The following GPR158 variants were observed in gnomAD, a reference collection of about 807,000 sequenced individuals.
GPR158 encodes G protein-coupled receptor 158, also known as metabotropic glycine receptor.
A neutral mutation model predicts 78.2 loss-of-function variants in GPR158; 30 were observed. The ratio of observed to expected loss-of-function variants is 0.38; its 90% CI spans 0.29 to 0.52. GPR158 has a LOEUF of 0.52. Ranked by LOEUF, GPR158 falls within the 20% of genes least tolerant of loss-of-function variation. The pLI is 0.83. For synonymous variants in GPR158, 581 were observed against 591.1 expected (o/e 0.98, Z 0.25); for missense variants, 1,463 against 1,523.5 (o/e 0.96, Z 0.66).
chr10:25,457,008 T>C (rs899678512), intron 4 of GPR158, among the ~76,000 whole-genome samples: 1 of 152,082 alleles, frequency 6.6e-6, no homozygotes, highest in African/African-American at 2.4e-5. Flanking sequence ...AGTCTCGCCC[T>C]GTCACCTAGG....
At chr10:25,443,154 A>G (rs10828808) in intron 4 of GPR158, among the ~76,000 whole-genome samples, 29,493 of 151,890 alleles carry the variant, frequency 0.19, 3,626 homozygotes, top group African/African-American at 0.36. Context: ...ATGTGATCAT[A>G]GTTCACTGCA....
At chr10:25,252,957 A>G (rs1279869770) in intron 2 of GPR158, among the ~76,000 whole-genome samples, 386 of 152,304 alleles carry the variant, frequency 2.5e-3, no homozygotes, top group Non-Finnish European at 4.5e-3. Flanking sequence ...TGTGCTAGCA[A>G]TCAGCGAGAT....
chr10:25,279,978 AAAG>A (rs1220827863), intron 2 of GPR158, among the ~76,000 whole-genome samples: 52 of 152,214 alleles, frequency 3.4e-4, no homozygotes, highest in African/African-American at 9.9e-4. Flanking sequence ...AAAAAAAAAA[AAAG>A]AAAATATTAT....
Position 25,428,716 on chromosome 10 carries a change from G to A in GPR158, c.1335+16243G>A, listed in dbSNP as rs533385157. Among the ~76,000 whole-genome samples, 13 of 152,050 alleles carry A rather than the reference G, an allele frequency of 8.5e-5. No homozygotes were observed. The East Asian group carries it at 1.7e-3, about 20-fold the overall frequency. ...AGAATGTATCACTGCTTTCAGTTCC[G>A]TACCTTTGTCCTTATGGGGGTAAGA... On this transcript the variant is annotated intron_variant, in intron 4 of 10. Coordinates refer to ENST00000376351, the MANE Select transcript of GPR158 (RefSeq NM_020752.3).
chr10:25,217,843 A>G (rs935849489), intron 1 of GPR158, among the ~76,000 whole-genome samples: 1 of 151,678 alleles, frequency 6.6e-6, no homozygotes, highest in Non-Finnish European at 1.5e-5. Context: ...AGGGGATCCG[A>G]TTTGCTATAT....
At chr10:25,548,247 G>A (rs1836688595) in intron 5 of GPR158, among the ~76,000 whole-genome samples, 1 of 151,986 alleles carries the variant, frequency 6.6e-6, no homozygotes, top group Non-Finnish European at 1.5e-5. Context: ...AATTTAGAGA[G>A]GCAACCATAC....
chr10:25,532,607 C>G (rs1476684836), intron 5 of GPR158, among the ~76,000 whole-genome samples: 1 of 152,078 alleles, frequency 6.6e-6, no homozygotes, highest in East Asian at 1.9e-4. Context: ...CTCCACTTTG[C>G]TCTCTGATCC....
At chr10:25,183,189 A>G (rs1485783715) in intron 1 of GPR158, among the ~76,000 whole-genome samples, 11 of 152,170 alleles carry the variant, frequency 7.2e-5, no homozygotes, top group Non-Finnish European at 8.8e-5. Flanking sequence ...AGGAAGAAAA[A>G]CTTGACCTAT....
chr10:25,586,208 C>T (rs535654902), intron 7 of GPR158, among the ~76,000 whole-genome samples: 9 of 151,920 alleles, frequency 5.9e-5, no homozygotes, highest in African/African-American at 1.7e-4. Context: ...AAGGCTGACC[C>T]GAAGGCCAGA....
intron 2 of GPR158, among the ~76,000 whole-genome samples, chr10:25,316,933 G>A (rs58329491): frequency 0.15 from 21,992 of 148,828 alleles, 2,096 homozygotes; most frequent in African/African-American, 0.28. Flanking sequence ...GTATGTGTGT[G>A]TATATATATA....
At chr10:25,576,963 G>A (rs1356960699) in intron 7 of GPR158, among the ~76,000 whole-genome samples, 1 of 103,554 alleles carries the variant, frequency 9.7e-6, no homozygotes, top group Non-Finnish European at 1.8e-5. Flanking sequence ...CATAGTGACA[G>A]TGTTCTCAAA....
intron 2 of GPR158, among the ~76,000 whole-genome samples, chr10:25,230,650 G>T (rs904695116): frequency 6.6e-6 from 1 of 152,124 alleles, no homozygotes; most frequent in Admixed American, 6.6e-5. Flanking sequence ...TTTTCTCAAG[G>T]AATACAGGGG....
At chr10:25,474,268 G>T (rs1835550213) in intron 5 of GPR158, among the ~76,000 whole-genome samples, 1 of 152,008 alleles carries the variant, frequency 6.6e-6, no homozygotes, top group African/African-American at 2.4e-5. Flanking sequence ...AGGATCTCCG[G>T]AACTGTAAAA....
chr10:25,477,984 A>G (rs1835612099), intron 5 of GPR158, among the ~76,000 whole-genome samples: 1 of 152,132 alleles, frequency 6.6e-6, no homozygotes, highest in Non-Finnish European at 1.5e-5. Flanking sequence ...GTGTAGTTCC[A>G]TTTATCCACT....
intron 2 of GPR158, among the ~76,000 whole-genome samples, chr10:25,275,010 T>G (rs925067297): frequency 6.6e-6 from 1 of 152,128 alleles, no homozygotes; most frequent in African/African-American, 2.4e-5. Flanking sequence ...GGCCATTTAT[T>G]TAGGAGAAAT....
intron 2 of GPR158, among the ~76,000 whole-genome samples, chr10:25,282,904 T>C (rs532127574): frequency 2.0e-5 from 3 of 152,116 alleles, no homozygotes; most frequent in African/African-American, 7.2e-5. Context: ...TATTGCTCAA[T>C]GTTTTCTAAT....
At chr10:25,425,196 A>C (rs2130567185) in intron 4 of GPR158, among the ~76,000 whole-genome samples, 1 of 152,252 alleles carries the variant, frequency 6.6e-6, no homozygotes, top group Admixed American at 6.5e-5. Flanking sequence ...TTATTGGTGT[A>C]TAGGAATGCT....
At chr10:25,473,774 G>C (rs970806741) in intron 5 of GPR158, among the ~76,000 whole-genome samples, 20 of 151,740 alleles carry the variant, frequency 1.3e-4, no homozygotes, top group Non-Finnish European at 1.9e-4. Flanking sequence ...CATCTCCCCA[G>C]CCTCATCTTA....
intron 2 of GPR158, among the ~76,000 whole-genome samples, chr10:25,354,408 G>T (rs1588819347): frequency 6.7e-6 from 1 of 149,468 alleles, no homozygotes; most frequent in Admixed American, 6.7e-5. Flanking sequence ...AGACCACAAA[G>T]AAAAGAAGCA....
Sources: gnomAD v4.1 joint callset for allele counts (sites outside exome capture counted in the v4.1 genomes callset) on GRCh38, gnomAD v4.1.1 for gene constraint, MANE v1.5 for transcripts, NCBI Gene and HGNC (gene_info 2026-07-23, HGNC 2026-07-21) for gene names.